SHB: variants seen among roughly 807,000 people sequenced by gnomAD.
SHB encodes SH2 domain-containing adapter protein B.
In SHB, 20 loss-of-function variants were observed where a neutral mutation model predicts 52.3. That is an observed-to-expected ratio of 0.38 (90% CI 0.27 to 0.56). The LOEUF is 0.56. Ranked by LOEUF, SHB falls within the 20% of genes least tolerant of loss-of-function variation. SHB has a pLI of 0.71. For synonymous variants in SHB, 397 were observed against 316.5 expected (o/e 1.25, Z -2.70); for missense variants, 825 against 723.3 (o/e 1.14, Z -1.61).
chr9:38,040,244 G>A lies in SHB; in HGVS notation c.718-24113C>T, dbSNP rs113490188. 9.4e-3 allele frequency among the ~76,000 whole-genome samples: 1,428 copies of A among 152,324 alleles called. 29 individuals carry two copies. Among genetic ancestry groups the A allele is most frequent in the African/African-American group, 0.031 (1,268 of 41,562 alleles). On this transcript the variant is annotated intron_variant, in intron 1 of 5. Transcript: ENST00000377707. ...TGGGGAAAGGCTGGGGTGTGGCCTC[G>A]ACTGCGCCACTGGCTGGCCATGTGT...
At chr9:38,055,368 C>T (rs1379235951) in intron 1 of SHB, among the ~76,000 whole-genome samples, 2 of 152,096 alleles carry the variant, frequency 1.3e-5, no homozygotes, top group African/African-American at 4.8e-5. Flanking sequence ...GAGAAACAGG[C>T]TATAGTGGTC....
intron 2 of SHB, among the ~76,000 whole-genome samples, chr9:37,986,859 C>A (rs1283686247): frequency 6.6e-6 from 1 of 152,210 alleles, no homozygotes; most frequent in African/African-American, 2.4e-5. Context: ...GGCAGATGTG[C>A]GTCCCAGCTT....
intron 5 of SHB, among the ~76,000 whole-genome samples, chr9:37,940,821 C>T (rs186105307): frequency 1.5e-4 from 23 of 152,302 alleles, no homozygotes; most frequent in African/African-American, 5.5e-4. Context: ...TGGCTGCCAA[C>T]ATGCTTCCCT....
chr9:37,956,125 G>T, intron 3 of SHB, 71 bp from the exon 4 acceptor site: 2 of 1,421,902 alleles, frequency 1.4e-6, no homozygotes, highest in Non-Finnish European at 1.9e-6. Context: ...GCACAGAAGG[G>T]TAACGTTCAG....
chr9:37,960,312 T>C (rs1832680045), intron 3 of SHB, among the ~76,000 whole-genome samples: 2 of 152,250 alleles, frequency 1.3e-5, no homozygotes. Context: ...GGCAATTCTT[T>C]TAATTTAGTG....
intron 1 of SHB, among the ~76,000 whole-genome samples, chr9:38,029,342 G>A (rs1821385122): frequency 1.3e-5 from 2 of 152,146 alleles, no homozygotes; most frequent in South Asian, 4.1e-4. Flanking sequence ...GACAAGCAAG[G>A]TTTTACTCAA....
intron 1 of SHB, among the ~76,000 whole-genome samples, chr9:38,042,321 G>A (rs933681691): frequency 4.6e-5 from 7 of 152,188 alleles, no homozygotes; most frequent in Admixed American, 2.0e-4. Context: ...TTCAGTTATC[G>A]TTTAATTGCT....
intron 1 of SHB, among the ~76,000 whole-genome samples, chr9:38,067,391 T>C (rs150582570): frequency 0.024 from 3,673 of 151,982 alleles, 56 homozygotes; most frequent in Non-Finnish European, 0.037. Flanking sequence ...TTTGGAAACC[T>C]AGAGCTGGGG....
chr9:37,929,577 C>T (rs1393557811), intron 5 of SHB, among the ~76,000 whole-genome samples: 2 of 152,184 alleles, frequency 1.3e-5, no homozygotes, highest in Non-Finnish European at 2.9e-5. Flanking sequence ...TACGTCTGCT[C>T]TGTCATTCAC....
chr9:37,931,638 G>C (rs1056516741), intron 5 of SHB, among the ~76,000 whole-genome samples: 1 of 152,232 alleles, frequency 6.6e-6, no homozygotes, highest in African/African-American at 2.4e-5. Flanking sequence ...ATACACTGTT[G>C]GTGGGAATGT....
chr9:37,982,803 GA>G (rs1157947559), intron 2 of SHB, among the ~76,000 whole-genome samples: 2 of 143,474 alleles, frequency 1.4e-5, no homozygotes, highest in Non-Finnish European at 3.1e-5. Context: ...CTGTTTCAAA[GA>G]AAAAAAAAAG....
chr9:37,916,015 C>T lies in SHB; in HGVS notation c.*3806G>A, dbSNP rs1038695509. On this transcript the variant is annotated 3_prime_UTR_variant, in exon 6 of 6. Transcript: ENST00000377707. ...TCAGCAGTAGGTGGCTGGTTTAAGG[C>T]TCCTGGCAGGGATGCAAACAGCCCC... Among the ~76,000 whole-genome samples, 1 of 152,226 alleles carries T rather than the reference C, an allele frequency of 6.6e-6. No homozygotes were observed. The highest frequency in any genetic ancestry group is 1.5e-5 in the Non-Finnish European group (1 of 68,036).
At chr9:37,967,392 G>C (rs1820539299) in intron 3 of SHB, among the ~76,000 whole-genome samples, 1 of 152,148 alleles carries the variant, frequency 6.6e-6, no homozygotes, top group Non-Finnish European at 1.5e-5. Flanking sequence ...AAACTCAAGA[G>C]GGAGGCTGGC....
chr9:38,041,748 G>A (rs796402245), intron 1 of SHB, among the ~76,000 whole-genome samples: 12 of 152,262 alleles, frequency 7.9e-5, no homozygotes, highest in South Asian at 6.2e-4. Context: ...GGAGGGATGT[G>A]ATCAGCTGCC....
intron 1 of SHB, among the ~76,000 whole-genome samples, chr9:38,029,589 C>T (rs1467961818): frequency 2.1e-5 from 3 of 144,714 alleles, no homozygotes; most frequent in Admixed American, 2.0e-4. Flanking sequence ...TCCCCTGGTT[C>T]AAGCAATTCT....
chr9:37,981,551 G>C (rs960072371), intron 2 of SHB, among the ~76,000 whole-genome samples: 2 of 139,384 alleles, frequency 1.4e-5, no homozygotes, highest in Non-Finnish European at 3.1e-5. Context: ...GTATTCGCAG[G>C]AGTGACACTT....
intron 1 of SHB, among the ~76,000 whole-genome samples, chr9:38,060,689 C>T (rs1182521776): frequency 6.6e-6 from 1 of 152,176 alleles, no homozygotes; most frequent in Non-Finnish European, 1.5e-5. Flanking sequence ...TCCCTTAATT[C>T]AAGTGATTGT....
chr9:37,974,696 T>G lies in SHB; in HGVS notation c.980A>C (p.Gln327Pro), dbSNP rs1166982486. ...CTCATCGGCGGGCCTGTCGTCATCCTGGGGCAGCTTGCTCTCCCGCAGTCG... is the reference window on the plus strand; with the variant it reads ...CTCATCGGCGGGCCTGTCGTCATCCGGGGGCAGCTTGCTCTCCCGCAGTCG... ...SPRLRESKLP[Q>P]DDDRPADEYD... Residue 327 changes from glutamine to proline, a missense_variant, in exon 3 of 6, where the codon CAG becomes CCG. Transcript: ENST00000377707. 1.2e-6 allele frequency: 2 copies of G among 1,613,932 alleles called. No homozygotes were observed. The highest frequency in any genetic ancestry group is 1.7e-6 in the Non-Finnish European group (2 of 1,180,012).
chr9:37,981,091 T>C (rs764320247), intron 2 of SHB, among the ~76,000 whole-genome samples: 5 of 152,222 alleles, frequency 3.3e-5, no homozygotes, highest in African/African-American at 9.6e-5. Context: ...CCAGCTGCAT[T>C]AGTCCCTAAC....
Sources: gnomAD v4.1 joint callset for allele counts (sites outside exome capture counted in the v4.1 genomes callset) on GRCh38, gnomAD v4.1.1 for gene constraint, MANE v1.5 for transcripts, NCBI Gene and HGNC (gene_info 2026-07-23, HGNC 2026-07-21) for gene names.